BLK: variants seen among roughly 807,000 people sequenced by gnomAD.
BLK encodes the protein BLK proto-oncogene, Src family tyrosine kinase, also known as tyrosine-protein kinase Blk.
BLK carries 64 observed loss-of-function variants against 61.8 expected under a neutral mutation model. The observed-to-expected ratio is 1.03, with a 90% CI of 0.85 to 1.27. The LOEUF is 1.27. Among genes scored for constraint, BLK ranks in the 50% most tolerant of loss-of-function variants. BLK has a pLI of 0.00. For synonymous variants in BLK, 351 were observed against 272.0 expected (o/e 1.29, Z -2.86); for missense variants, 853 against 660.5 (o/e 1.29, Z -3.19).
intron 10 of BLK, chr8:11,561,100 T>C (rs867248163): frequency 1.3e-6 from 1 of 748,118 alleles, no homozygotes; most frequent in Non-Finnish European, 2.3e-6. Context: ...GTGTCTCTGA[T>C]GCCCACGTTG....
intron 1 of BLK, among the ~76,000 whole-genome samples, chr8:11,514,529 G>T (rs1004776455): frequency 2.0e-5 from 3 of 152,190 alleles, no homozygotes; most frequent in African/African-American, 7.2e-5. Flanking sequence ...AGCAGTGAGG[G>T]GAACAGCTGG....
chr8:11,517,465 T>C (rs1799273075), intron 1 of BLK, among the ~76,000 whole-genome samples: 1 of 152,212 alleles, frequency 6.6e-6, no homozygotes. Flanking sequence ...ACCAGCCACT[T>C]TCCCTGGCCC....
At chr8:11,523,485 G>T (rs1799533698) in intron 1 of BLK, among the ~76,000 whole-genome samples, 1 of 152,128 alleles carries the variant, frequency 6.6e-6, no homozygotes, top group Non-Finnish European at 1.5e-5. Flanking sequence ...CCCCGGAGAA[G>T]GAGATTGCAG....
At chr8:11,513,750 G>A (rs1157766245) in intron 1 of BLK, among the ~76,000 whole-genome samples, 1 of 152,224 alleles carries the variant, frequency 6.6e-6, no homozygotes, top group Non-Finnish European at 1.5e-5. Context: ...ATAGAGTGGT[G>A]CTCAGAACAG....
At chr8:11,563,562 C>G (rs573809778) in intron 12 of BLK, among the ~76,000 whole-genome samples, 203 of 152,334 alleles carry the variant, frequency 1.3e-3, no homozygotes, top group Middle Eastern at 3.4e-3. Flanking sequence ...TCACCTGCTG[C>G]TGTGTGCACC....
At chr8:11,546,774 C>T (rs1291004695) in intron 3 of BLK, among the ~76,000 whole-genome samples, 1 of 152,184 alleles carries the variant, frequency 6.6e-6, no homozygotes, top group African/African-American at 2.4e-5. Flanking sequence ...GGGGGTTTCA[C>T]CATGTTGGCC....
intron 1 of BLK, among the ~76,000 whole-genome samples, chr8:11,514,245 G>T (rs1478722083): frequency 6.6e-6 from 1 of 152,196 alleles, no homozygotes; most frequent in Non-Finnish European, 1.5e-5. Flanking sequence ...CTGAAAGACA[G>T]GACTCAGCAA....
chr8:11,526,117 C>T (rs1475228650), intron 1 of BLK, among the ~76,000 whole-genome samples: 1 of 152,196 alleles, frequency 6.6e-6, no homozygotes, highest in African/African-American at 2.4e-5. Context: ...GTTACAACTT[C>T]AAGAAATACT....
chr8:11,531,588 T>G (rs1270414037), intron 1 of BLK, among the ~76,000 whole-genome samples: 1 of 152,198 alleles, frequency 6.6e-6, no homozygotes, highest in African/African-American at 2.4e-5. Context: ...TACTTGGGGT[T>G]GATATTCTTG....
chr8:11,500,902 A>G (rs1481324444), intron 1 of BLK, among the ~76,000 whole-genome samples: 1 of 152,172 alleles, frequency 6.6e-6, no homozygotes, highest in East Asian at 1.9e-4. Context: ...ATTTTTACAT[A>G]AAGTTAAATA....
intron 1 of BLK, among the ~76,000 whole-genome samples, chr8:11,520,914 A>C (rs1799425693): frequency 6.6e-6 from 1 of 152,236 alleles, no homozygotes; most frequent in South Asian, 2.1e-4. Context: ...ATTGTATATA[A>C]ATTTAAATTT....
intron 10 of BLK, 130 bp from the exon 11 acceptor site, chr8:11,561,172 C>A: frequency 7.6e-7 from 1 of 1,321,414 alleles, no homozygotes; most frequent in Non-Finnish European, 1.1e-6. Context: ...AACACAGTCA[C>A]CTTTCTACTC....
At chr8:11,515,137 G>A (rs1799173016) in intron 1 of BLK, among the ~76,000 whole-genome samples, 2 of 152,190 alleles carry the variant, frequency 1.3e-5, no homozygotes, top group Admixed American at 1.3e-4. Flanking sequence ...CTGTTTTGCT[G>A]GTTGGTGCCA....
At chr8:11,543,010 G>A (rs1264420933) in intron 1 of BLK, among the ~76,000 whole-genome samples, 1 of 152,180 alleles carries the variant, frequency 6.6e-6, no homozygotes, top group Non-Finnish European at 1.5e-5. Context: ...CCTAAATGCA[G>A]TGCTTTCTGC....
chr8:11,516,310 G>A (rs547941995), intron 1 of BLK, among the ~76,000 whole-genome samples: 3 of 152,310 alleles, frequency 2.0e-5, no homozygotes, highest in Admixed American at 6.5e-5. Flanking sequence ...AGACACTGTC[G>A]TGGATGCTCT....
chr8:11,548,167 C>T (rs757834420), intron 4 of BLK, 42 bp downstream of exon 4: 8 of 1,518,724 alleles, frequency 5.3e-6, no homozygotes, highest in Non-Finnish European at 5.5e-6. Flanking sequence ...GCAGGACCCC[C>T]CTCCCCCACA....
At chr8:11,526,742 G>T (rs1364373318) in intron 1 of BLK, among the ~76,000 whole-genome samples, 1 of 152,072 alleles carries the variant, frequency 6.6e-6, no homozygotes, top group South Asian at 2.1e-4. Flanking sequence ...ATTATATTCT[G>T]TTGTGTTCAG....
chr8:11,564,103 C>T lies in BLK; in HGVS notation c.1513C>T (p.Pro505Ser). Residue 505 changes from proline (P) to serine (S), a missense_variant, in exon 13 of 13, where the codon CCC (proline) becomes TCC (serine). By Grantham distance (74) the Pro-to-Ser change is moderately conservative. Transcript: ENST00000259089. ...CACCGAGCGGCAGTACGAGCTGCAG[C>T]CCTAGCCGGCCGCGCCCGCCTGCGC... ...TATERQYELQ[P>S] is the part of the protein sequence containing the mutation. 2 of 1,562,450 alleles carry T rather than the reference C, an allele frequency of 1.3e-6. No homozygotes were observed. Among genetic ancestry groups the T allele is most frequent in the South Asian group, 2.3e-5 (2 of 86,488 alleles).
intron 1 of BLK, among the ~76,000 whole-genome samples, chr8:11,535,265 A>G (rs868355262): frequency 1.2e-5 from 1 of 82,982 alleles, no homozygotes; most frequent in Admixed American, 1.3e-4. Flanking sequence ...AAGAAAGAAG[A>G]AAGAAAGAAA....
Sources: allele counts gnomAD v4.1 joint callset (sites outside exome capture counted in the v4.1 genomes callset), GRCh38; gene constraint gnomAD v4.1.1; transcripts MANE v1.5; gene names NCBI Gene and HGNC (gene_info 2026-07-23, HGNC 2026-07-21).